Variants in SNX29 observed in about 807,000 individuals in gnomAD.
The protein encoded by SNX29 is sorting nexin 29, also known as sorting nexin-29.
A neutral mutation model predicts 102.1 loss-of-function variants in SNX29; 78 were observed. The ratio of observed to expected loss-of-function variants is 0.76; its 90% CI spans 0.64 to 0.92. The LOEUF (loss-of-function observed/expected upper bound fraction) is 0.92. Among genes scored for constraint, SNX29 ranks in the 40% least tolerant of loss-of-function variants. The pLI, the probability that SNX29 is intolerant of heterozygous loss-of-function variation, is 0.00. For synonymous variants in SNX29, 580 were observed against 414.5 expected (o/e 1.40, Z -4.85); for missense variants, 1,280 against 1,061.7 (o/e 1.21, Z -2.86).
At chr16:12,013,500 AATATATAT>A (rs66491414) in intron 3 of SNX29, among the ~76,000 whole-genome samples, 740 of 31,480 alleles carry the variant, frequency 0.024, 69 homozygotes, top group Middle Eastern at 0.038. Flanking sequence ...AAAAAAAAAA[AATATATAT>A]ATATATATAT....
chr16:12,563,110 C>A (rs71388726), intron 20 of SNX29, among the ~76,000 whole-genome samples: 1 of 149,364 alleles, frequency 6.7e-6, no homozygotes, highest in Non-Finnish European at 1.5e-5. Flanking sequence ...ACGCTAACAA[C>A]AGAGCCTAGG....
At chr16:12,503,480 G>A (rs2089223054) in intron 19 of SNX29, among the ~76,000 whole-genome samples, 1 of 152,172 alleles carries the variant, frequency 6.6e-6, no homozygotes, top group Non-Finnish European at 1.5e-5. Flanking sequence ...GGGAAGGAGG[G>A]TCTGTGACCA....
At chr16:12,527,197 G>GATTTCCCTC (rs747182542) in intron 20 of SNX29, 4 of 533,616 alleles carry the variant, frequency 7.5e-6, no homozygotes, top group Non-Finnish European at 1.5e-5. Context: ...GGAATGTACG[G>GATTTCCCTC]ATTGTTTCAT....
At position 12,046,451 on chromosome 16, in the gene SNX29, G is replaced by A. The variant is rs2050095108; in HGVS notation, c.496G>A (p.Ala166Thr). 6.2e-7 allele frequency: 1 copy of A among 1,613,788 alleles called. No individual in the cohort carries two copies. Residue 166 changes from alanine to threonine, a missense_variant, in exon 6 of 21, where the codon GCA (alanine) becomes ACA (threonine). Transcript: ENST00000566228. ...GTCCAGTATGCTTCCTACCATGGCA[G>A]CAGGTAAGCCTGGCCCAGACCAGGG... Reference protein sequence around the residue: ...ERSSMLPTMAAGLNSILFAIN... With the variant: ...ERSSMLPTMATGLNSILFAIN...
At chr16:12,416,844 G>C (rs1182891157) in intron 18 of SNX29, among the ~76,000 whole-genome samples, 1 of 152,170 alleles carries the variant, frequency 6.6e-6, no homozygotes, top group African/African-American at 2.4e-5. Context: ...CATTCATGAG[G>C]CATCTGCCCC....
At chr16:12,520,740 G>T (rs62030404) in intron 19 of SNX29, among the ~76,000 whole-genome samples, 46,249 of 151,776 alleles carry the variant, frequency 0.3, 8,096 homozygotes, top group East Asian at 0.7. Context: ...AAGCGGGAGC[G>T]AAGCTATGGG....
intron 13 of SNX29, among the ~76,000 whole-genome samples, chr16:12,154,081 A>T (rs891943127): frequency 6.6e-6 from 1 of 152,160 alleles, no homozygotes; most frequent in African/African-American, 2.4e-5. Context: ...TTGACATACA[A>T]ATAATTAGAA....
intron 14 of SNX29, among the ~76,000 whole-genome samples, chr16:12,270,465 T>G (rs545472722): frequency 1.3e-5 from 2 of 152,296 alleles, no homozygotes; most frequent in South Asian, 4.1e-4. Context: ...CCTTCTCGAC[T>G]TGAAAGTAAA....
intron 10 of SNX29, among the ~76,000 whole-genome samples, chr16:12,076,799 A>G (rs1479651054): frequency 6.6e-6 from 1 of 152,136 alleles, no homozygotes; most frequent in Non-Finnish European, 1.5e-5. Context: ...CTAGCTCTAG[A>G]GTGGAACTTC....
At chr16:12,472,256 C>A (rs939270161) in intron 18 of SNX29, among the ~76,000 whole-genome samples, 1 of 152,270 alleles carries the variant, frequency 6.6e-6, no homozygotes, top group African/African-American at 2.4e-5. Flanking sequence ...GGTGGTGGCT[C>A]ACGCCTGTAA....
At chr16:12,302,006 A>G (rs2080188913) in intron 15 of SNX29, among the ~76,000 whole-genome samples, 1 of 152,332 alleles carries the variant, frequency 6.6e-6, no homozygotes, top group Admixed American at 6.5e-5. Flanking sequence ...CAAAAGAAAG[A>G]TAATTACTTA....
chr16:12,228,533 T>A (rs1181120705), intron 14 of SNX29, among the ~76,000 whole-genome samples: 1 of 152,234 alleles, frequency 6.6e-6, no homozygotes, highest in African/African-American at 2.4e-5. Context: ...ACTACAAATA[T>A]GCTCAAGATA....
At chr16:12,342,866 G>C (rs1474630962) in intron 15 of SNX29, among the ~76,000 whole-genome samples, 1 of 152,204 alleles carries the variant, frequency 6.6e-6, no homozygotes, top group East Asian at 1.9e-4. Context: ...CCAGGTGCTG[G>C]TGTTCATGAA....
chr16:12,366,722 G>A (rs1038677961), intron 16 of SNX29, among the ~76,000 whole-genome samples: 6 of 152,004 alleles, frequency 3.9e-5, no homozygotes, highest in South Asian at 2.1e-4. Context: ...TCCTGTTTTC[G>A]TGTCTTTGTT....
chr16:12,204,440 C>G (rs1356312261), intron 14 of SNX29, among the ~76,000 whole-genome samples: 1 of 152,226 alleles, frequency 6.6e-6, no homozygotes. Flanking sequence ...GCTTTTCCTC[C>G]TACCTCCCCT....
At chr16:12,456,348 T>C (rs1393055084) in intron 18 of SNX29, among the ~76,000 whole-genome samples, 1 of 152,174 alleles carries the variant, frequency 6.6e-6, no homozygotes, top group Non-Finnish European at 1.5e-5. Flanking sequence ...AAACAGACAG[T>C]GTCAACCTAT....
chr16:12,435,645 C>G, intron 18 of SNX29, among the ~76,000 whole-genome samples: 1 of 152,216 alleles, frequency 6.6e-6, no homozygotes, highest in East Asian at 1.9e-4. Flanking sequence ...CCTTGATGAG[C>G]ATAGTTCTCA....
rs1256360440 is a variant in SNX29 at position 12,574,109 on chromosome 16, C to T, written c.*5480C>T. ...AAACCTGTAGTATTATCTTAACTAC[C>T]CTCTTATGTTAAGGTTTACATAATA... is the stretch of plus-strand genomic sequence containing the variant. On this transcript the variant is annotated 3_prime_UTR_variant, in exon 21 of 21. Coordinates refer to ENST00000566228, the MANE Select transcript of SNX29 (RefSeq NM_032167.5). The T allele has an allele frequency of 5.4e-6, 1 of 186,100 alleles. No homozygotes were observed. Among genetic ancestry groups the T allele is most frequent in the East Asian group, 8.7e-5 (1 of 11,518 alleles). 11.5% of individuals were successfully genotyped at this position (186,100 alleles called of 1,614,324 possible).
chr16:12,066,716 A>G (rs2051054569), intron 9 of SNX29, among the ~76,000 whole-genome samples: 1 of 131,334 alleles, frequency 7.6e-6, no homozygotes, highest in Non-Finnish European at 1.6e-5. Context: ...GGGAAGGTTG[A>G]GAGAGGGGAG....
Sources: allele counts gnomAD v4.1 joint callset (sites outside exome capture counted in the v4.1 genomes callset), GRCh38; gene constraint gnomAD v4.1.1; transcripts MANE v1.5; gene names NCBI Gene and HGNC (gene_info 2026-07-23, HGNC 2026-07-21).